Variants in EPHA8 observed in about 807,000 individuals in gnomAD.
The protein encoded by EPHA8 is EPH receptor A8.
A neutral mutation model predicts 103.6 loss-of-function variants in EPHA8; 58 were observed. That is an observed-to-expected ratio of 0.56 (90% confidence interval 0.45 to 0.70). EPHA8 has a LOEUF of 0.70. EPHA8 is among the 30% of genes least tolerant of loss of function. EPHA8 has a pLI of 0.00. For synonymous variants in EPHA8, 559 were observed against 572.5 expected (o/e 0.98, Z 0.34); for missense variants, 1,304 against 1,395.2 (o/e 0.93, Z 1.04).
intron 15 of EPHA8, 100 bp from the exon 16 acceptor site, chr1:22,601,200 C>A (rs1641716923): frequency 3.1e-5 from 48 of 1,528,968 alleles, no homozygotes; most frequent in Non-Finnish European, 4.2e-5. Context: ...AGCCTGGGCC[C>A]CCGGCCCCTG....
chr1:22,572,401 G>A (rs894946052), intron 2 of EPHA8, among the ~76,000 whole-genome samples: 1 of 152,214 alleles, frequency 6.6e-6, no homozygotes, highest in Non-Finnish European at 1.5e-5. Context: ...TTTTACCAAC[G>A]AGAAACTGAA....
intron 3 of EPHA8, among the ~76,000 whole-genome samples, chr1:22,577,939 A>G (rs1425136582): frequency 3.5e-3 from 19 of 5,448 alleles, no homozygotes; most frequent in African/African-American, 4.8e-3. Flanking sequence ...GCGTGAGTGT[A>G]TGTGTGCGAG....
chr1:22,598,797 T>A lies in EPHA8; in HGVS notation c.2179-41T>A, dbSNP rs1202890747. The A allele has an allele frequency of 6.3e-7, 1 of 1,597,246 alleles. No individual in the cohort carries two copies. Among genetic ancestry groups the A allele is most frequent in the Admixed American group, 1.7e-5 (1 of 59,760 alleles). ...TGTTCCTGTTCACGGACCAGGCGCC[T>A]CGCCGGGCTTTCCTGAAGTCCAAGC... is the stretch of plus-strand genomic sequence containing the variant. On this transcript the variant is annotated intron_variant, in intron 12 of 16. Transcript: ENST00000166244. The surrounding 1 kb of genome is among the most constrained non-coding windows in gnomAD (Gnocchi z 5.1).
At chr1:22,599,648 A>AGGG (rs1285386032) in intron 13 of EPHA8, among the ~76,000 whole-genome samples, 1 of 66,272 alleles carries the variant, frequency 1.5e-5, no homozygotes, top group African/African-American at 9.7e-5. Context: ...GGAGGGAGGG[A>AGGG]AGGAAGGAAA....
chr1:22,588,054 G>C (rs1162323193), intron 4 of EPHA8, among the ~76,000 whole-genome samples: 2 of 152,220 alleles, frequency 1.3e-5, no homozygotes, highest in Non-Finnish European at 2.9e-5. Context: ...GCTTAAGATC[G>C]TAAAGGCTGA....
chr1:22,597,767 G>A lies in EPHA8; in HGVS notation c.2022G>A (p.Thr674=), dbSNP rs142622833. The change falls in exon 11 of 17, where the codon ACG becomes ACA. Residue 674 remains threonine, a synonymous_variant. Transcript: ENST00000166244. The surrounding 1 kb of genome is among the most constrained non-coding windows in gnomAD (Gnocchi z 4.6). ...TCAAGGCCCTCAAAGCCGGCTACACGGAGAGACAGAGGCGGGACTTCCTGA... is the reference window on the plus strand; with the variant it reads ...TCAAGGCCCTCAAAGCCGGCTACACAGAGAGACAGAGGCGGGACTTCCTGA... ...VAIKALKAGY[T]ERQRRDFLSE... 8.0e-5 allele frequency: 129 copies of A among 1,613,252 alleles called. No individual in the cohort carries two copies. In the African/African-American group the frequency reaches 1.2e-3, roughly 15 times the overall value.
intron 7 of EPHA8, among the ~76,000 whole-genome samples, chr1:22,594,965 C>T (rs924694578): frequency 6.6e-6 from 1 of 152,214 alleles, no homozygotes; most frequent in Non-Finnish European, 1.5e-5. Flanking sequence ...CGACTCTTCT[C>T]CGGTACCACA....
chr1:22,583,741 A>G (rs916537396), intron 3 of EPHA8, among the ~76,000 whole-genome samples: 1 of 152,210 alleles, frequency 6.6e-6, no homozygotes, highest in South Asian at 2.1e-4. Context: ...CACCTTGCCT[A>G]ATGTCACTGA....
chr1:22,582,061 G>C (rs773629041), intron 3 of EPHA8, among the ~76,000 whole-genome samples: 2 of 152,192 alleles, frequency 1.3e-5, no homozygotes, highest in Non-Finnish European at 2.9e-5. Flanking sequence ...GGATGGCCTG[G>C]GGCAAAGGAA....
At chr1:22,572,260 C>T (rs1640562179) in intron 2 of EPHA8, among the ~76,000 whole-genome samples, 1 of 152,236 alleles carries the variant, frequency 6.6e-6, no homozygotes, top group Non-Finnish European at 1.5e-5. Context: ...TGAACGGGGG[C>T]TCCGCCTCCT....
Position 22,566,142 on chromosome 1 carries a change from T to C in EPHA8, c.94+2413T>C, listed in dbSNP as rs186942292. ...CTCAGAGCTTTTGCTGGGGCACCCG[T>C]GGGCCCAGGAAGGGCCCTGCACCTG... is the stretch of plus-strand genomic sequence containing the variant. On this transcript the variant is annotated intron_variant, in intron 1 of 16. Transcript: ENST00000166244. Among the ~76,000 whole-genome samples, 818 of 152,330 alleles carry C rather than the reference T, an allele frequency of 5.4e-3. 5 individuals are homozygous for C. Among genetic ancestry groups the C allele is most frequent in the African/African-American group, 0.018 (752 of 41,578 alleles).
chr1:22,573,251 A>G (rs55717613), intron 2 of EPHA8, among the ~76,000 whole-genome samples: 14,845 of 152,218 alleles, frequency 0.098, 722 homozygotes, highest in South Asian at 0.19. Flanking sequence ...CAGGCGCGGT[A>G]GGCTGTGAAG....
chr1:22,574,146 C>T (rs1415222681), intron 2 of EPHA8, among the ~76,000 whole-genome samples: 4 of 152,000 alleles, frequency 2.6e-5, no homozygotes, highest in Non-Finnish European at 4.4e-5. Flanking sequence ...GCCCGGCCAA[C>T]TTTTTTGTAT....
intron 3 of EPHA8, among the ~76,000 whole-genome samples, chr1:22,579,175 G>T (rs1434712777): frequency 1.3e-5 from 2 of 151,024 alleles, no homozygotes; most frequent in East Asian, 2.0e-4. Context: ...GCATGTGTGT[G>T]CATGTGTGCG....
At chr1:22,599,162 C>A in intron 13 of EPHA8, 115 bp downstream of exon 13, 1 of 1,137,422 alleles carries the variant, frequency 8.8e-7, no homozygotes, top group Non-Finnish European at 1.2e-6. Context: ...TTCGGGGTGG[C>A]CCTCAACCTG....
At chr1:22,578,686 T>C (rs1265061466) in intron 3 of EPHA8, among the ~76,000 whole-genome samples, 1 of 140,040 alleles carries the variant, frequency 7.1e-6, no homozygotes, top group African/African-American at 3.1e-5. Context: ...TGTGCATGAG[T>C]GTATGTGTGC....
At chr1:22,594,321 C>G (rs879529783) in intron 7 of EPHA8, among the ~76,000 whole-genome samples, 1 of 152,232 alleles carries the variant, frequency 6.6e-6, no homozygotes, top group Non-Finnish European at 1.5e-5. Context: ...GACGGTCGCT[C>G]GCCTGAGGCG....
chr1:22,596,938 A>T (rs1641535243), intron 9 of EPHA8, among the ~76,000 whole-genome samples: 2 of 152,204 alleles, frequency 1.3e-5, no homozygotes, highest in African/African-American at 4.8e-5. Flanking sequence ...GATTATAGGC[A>T]TGAGCCATCA....
chr1:22,585,323 C>T (rs1048903456), intron 3 of EPHA8, among the ~76,000 whole-genome samples: 1 of 152,114 alleles, frequency 6.6e-6, no homozygotes, highest in African/African-American at 2.4e-5. Flanking sequence ...TGTCTAAGCC[C>T]TGGGGAGCCT....
Sources: gnomAD v4.1 joint callset for allele counts (sites outside exome capture counted in the v4.1 genomes callset) on GRCh38, gnomAD v4.1.1 for gene constraint, Gnocchi (gnomAD v3.1) non-coding constraint, MANE v1.5 for transcripts, NCBI Gene and HGNC (gene_info 2026-07-23, HGNC 2026-07-21) for gene names.